TXNRD2: variants seen among roughly 807,000 people sequenced by gnomAD.
TXNRD2 encodes thioredoxin reductase 2, mitochondrial.
TXNRD2 carries 67 observed loss-of-function variants against 70.8 expected under a neutral mutation model. That is an observed-to-expected ratio of 0.95 (90% CI 0.78 to 1.16). TXNRD2 has a LOEUF of 1.16. Among genes scored for constraint, TXNRD2 ranks in the 50% most tolerant of loss-of-function variants. The pLI, the probability that TXNRD2 is intolerant of heterozygous loss-of-function variation, is 0.00. For synonymous variants in TXNRD2, 301 were observed against 295.8 expected, an observed-to-expected ratio of 1.02 and a Z score of -0.18; for missense variants, 644 against 719.9, an observed-to-expected ratio of 0.89 and a Z score of 1.21.
intron 8 of TXNRD2, among the ~76,000 whole-genome samples, chr22:19,905,635 C>G (rs1287799741): frequency 3.3e-5 from 5 of 152,146 alleles, no homozygotes; most frequent in African/African-American, 4.8e-5. Context: ...CAGCAGACAT[C>G]CTGGGGCTGC....
chr22:19,940,681 G>A (rs1462269775), intron 1 of TXNRD2, among the ~76,000 whole-genome samples: 1 of 152,118 alleles, frequency 6.6e-6, no homozygotes, highest in Non-Finnish European at 1.5e-5. Context: ...CCTTTTATGG[G>A]ACTCCGCCAG....
chr22:19,910,301 ATGT>A (rs1411060454), intron 8 of TXNRD2, among the ~76,000 whole-genome samples: 1 of 152,142 alleles, frequency 6.6e-6, no homozygotes, highest in African/African-American at 2.4e-5. Context: ...CACAATCAAG[ATGT>A]TGTTTCTGAG....
chr22:19,875,938 C>T (rs924479754), intron 17 of TXNRD2, 131 bp from the exon 18 acceptor site: 2 of 152,236 alleles, frequency 1.3e-5, no homozygotes, highest in African/African-American at 4.8e-5. Context: ...GAGAATGGCC[C>T]CACCCCAGGG....
chr22:19,918,240 G>A (rs1338551952), intron 4 of TXNRD2, 23 bp from the exon 5 acceptor site: 2 of 1,609,772 alleles, frequency 1.2e-6, no homozygotes, highest in Non-Finnish European at 1.7e-6. Context: ...GAAACAAAAT[G>A]TAAAATCCAC....
At chr22:19,904,496 C>A (rs981225693) in intron 8 of TXNRD2, among the ~76,000 whole-genome samples, 2 of 152,226 alleles carry the variant, frequency 1.3e-5, no homozygotes, top group African/African-American at 4.8e-5. Context: ...CACTGTGATG[C>A]CTGAGTGGCC....
intron 10 of TXNRD2, among the ~76,000 whole-genome samples, chr22:19,897,154 G>A (rs1939545431): frequency 6.6e-6 from 1 of 152,202 alleles, no homozygotes; most frequent in South Asian, 2.1e-4. Context: ...GTGTGCCATA[G>A]CTTTAGGATG....
chr22:19,927,650 TCA>T, intron 2 of TXNRD2, among the ~76,000 whole-genome samples: 1 of 45,964 alleles, frequency 2.2e-5, no homozygotes, highest in Non-Finnish European at 4.1e-5. Flanking sequence ...AGACCTTGTC[TCA>T]AAAAAAAAAA....
rs1601454390 is a variant in TXNRD2, at chr22:19,918,734, C to A, written c.374+126G>T. ...GTCTGAGGCAGACAGCGCAGAGTCG[C>A]CCCTGGCTGAGAAACCCATCCTACG... On this transcript the variant is annotated intron_variant, in intron 4 of 17. Coordinates refer to ENST00000400521, the MANE Select transcript of TXNRD2 (RefSeq NM_006440.5). 2.5e-6 allele frequency: 3 copies of A among 1,192,256 alleles called. No homozygotes were observed. In the East Asian group the frequency reaches 7.0e-5, roughly 28 times the overall value. The allele number at this position is 1,192,256 out of a possible 1,614,324, so 73.9% of individuals were successfully genotyped here. A position where few individuals can be genotyped will look rare whatever the true frequency, so the allele number is the denominator to read the frequency against.
chr22:19,909,564 A>ACACACAC (rs1184745832), intron 8 of TXNRD2, among the ~76,000 whole-genome samples: 10 of 23,852 alleles, frequency 4.2e-4, no homozygotes, highest in African/African-American at 1.7e-3. Context: ...CACACTACTC[A>ACACACAC]CATACACACA....
chr22:19,878,723 G>C (rs112520044), intron 14 of TXNRD2, among the ~76,000 whole-genome samples: 1 of 152,228 alleles, frequency 6.6e-6, no homozygotes, highest in African/African-American at 2.4e-5. Context: ...GCAGGCATCA[G>C]GCAATCCAAG....
In TXNRD2 at chr22:19,908,913, G is replaced by A. The variant is rs181649033; in HGVS notation, c.662+2464C>T. On this transcript the variant is annotated intron_variant, in intron 8 of 17. Transcript: ENST00000400521. ...ACCATTGAACTGTATACTTAAAAATGGTTAACGTGGGCTGGGCGTGGTGGC... is the reference window on the plus strand; with the variant it reads ...ACCATTGAACTGTATACTTAAAAATAGTTAACGTGGGCTGGGCGTGGTGGC... Among the ~76,000 whole-genome samples the A allele has an allele frequency of 7.2e-5, 11 of 152,294 alleles. No homozygotes were observed. In the East Asian group the frequency reaches 2.1e-3, roughly 29 times the overall value.
chr22:19,927,667 AAAAAG>A (rs1279212581), intron 2 of TXNRD2, among the ~76,000 whole-genome samples: 1 of 150,454 alleles, frequency 6.6e-6, no homozygotes, highest in African/African-American at 2.5e-5. Context: ...AAAAAAAAAA[AAAAAG>A]AAAAGAAAGA....
At chr22:19,921,096 G>GATTGTGCC (rs1398195520) in intron 2 of TXNRD2, among the ~76,000 whole-genome samples, 1 of 126,506 alleles carries the variant, frequency 7.9e-6, no homozygotes, top group African/African-American at 3.6e-5. Context: ...GACAGAGCGA[G>GATTGTGCC]ACTCTGTCTC....
At chr22:19,903,418 A>T (rs994431855) in intron 8 of TXNRD2, among the ~76,000 whole-genome samples, 2 of 152,222 alleles carry the variant, frequency 1.3e-5, no homozygotes, top group African/African-American at 4.8e-5. Context: ...GAATAGAGGG[A>T]CCACAATTCC....
chr22:19,897,689 G>A (rs1397413935), intron 10 of TXNRD2, among the ~76,000 whole-genome samples: 1 of 152,184 alleles, frequency 6.6e-6, no homozygotes, highest in Non-Finnish European at 1.5e-5. Flanking sequence ...GGAGTTGGGG[G>A]TCTCTGAGGT....
chr22:19,941,540 G>T, intron 1 of TXNRD2, 161 bp downstream of exon 1: 1 of 1,226,880 alleles, frequency 8.2e-7, no homozygotes, highest in Non-Finnish European at 1.0e-6. Flanking sequence ...GCTAGAAGCA[G>T]CCCGGACTCC....
At chr22:19,882,525 C>T (rs1050239562) in intron 12 of TXNRD2, among the ~76,000 whole-genome samples, 6 of 152,176 alleles carry the variant, frequency 3.9e-5, no homozygotes, top group African/African-American at 1.4e-4. Context: ...TTTCAGACTA[C>T]TGCCCCCCAA....
chr22:19,917,801 A>G lies in TXNRD2; in HGVS notation c.449+342T>C, dbSNP rs76072261. Among the ~76,000 whole-genome samples the G allele has an allele frequency of 4.9e-3, 748 of 152,264 alleles. 6 individuals carry two copies. Among genetic ancestry groups the G allele is most frequent in the African/African-American group, 0.017 (714 of 41,536 alleles). The stretch of plus-strand genomic sequence containing the variant: ...TTGCCACTGGGATGACCCTCACCAC[A>G]TATTAGCCCCAGGCCTAGCTATGTC... On this transcript the variant is annotated intron_variant, in intron 5 of 17. Transcript: ENST00000400521.
intron 2 of TXNRD2, among the ~76,000 whole-genome samples, chr22:19,926,239 C>T (rs988581975): frequency 2.1e-5 from 3 of 144,608 alleles, no homozygotes; most frequent in East Asian, 3.9e-4. Flanking sequence ...CCTGTAATAC[C>T]GGCACTCTGG....
Sources: gnomAD v4.1 joint callset for allele counts (sites outside exome capture counted in the v4.1 genomes callset) on GRCh38, gnomAD v4.1.1 for gene constraint, MANE v1.5 for transcripts, NCBI Gene and HGNC (gene_info 2026-07-23, HGNC 2026-07-21) for gene names.